The following CHRDL2 variants were observed in gnomAD, a reference collection of about 807,000 sequenced individuals.
The protein encoded by CHRDL2 is chordin like 2.
In CHRDL2, 41 loss-of-function variants were observed where a neutral mutation model predicts 54.3. The observed-to-expected ratio is 0.76, with a 90% CI of 0.59 to 0.98. The LOEUF (loss-of-function observed/expected upper bound fraction) is 0.98. Among genes scored for constraint, CHRDL2 ranks in the 50% least tolerant of loss-of-function variants. The probability of loss-of-function intolerance (pLI) is 0.00; values close to 1 mark genes in which losing one functional copy is unlikely to be tolerated. For synonymous variants in CHRDL2, 220 were observed against 224.3 expected, an observed-to-expected ratio of 0.98 and a Z score of 0.17; for missense variants, 518 against 562.4, an observed-to-expected ratio of 0.92 and a Z score of 0.80.
At chr11:74,716,540 C>CA (rs751918696) in intron 2 of CHRDL2, among the ~76,000 whole-genome samples, 17,345 of 57,074 alleles carry the variant, frequency 0.3, 1,549 homozygotes, top group South Asian at 0.42. Flanking sequence ...ACTCCATCTC[C>CA]AAAAAAAAAA....
At chr11:74,725,201 C>T (rs893879503) in intron 1 of CHRDL2, among the ~76,000 whole-genome samples, 10 of 151,920 alleles carry the variant, frequency 6.6e-5, no homozygotes, top group African/African-American at 2.4e-4. Context: ...CCATGTTGGC[C>T]AAGATGATCT....
Position 74,697,265 on chromosome 11 carries a change from T to C in CHRDL2, c.1153A>G (p.Arg385Gly), listed in dbSNP as rs758331735. The C allele has an allele frequency of 2.5e-6, 4 of 1,614,020 alleles. No homozygotes were observed. The highest frequency in any genetic ancestry group is 2.5e-6 in the Non-Finnish European group (3 of 1,179,972). ...GCCTCTTTCTGGAAGTCTTGCTTCC[T>C]GACTTTCTTGATCTGAGTCAAGTGG... Reference protein sequence around the residue: ...IFHLTQIKKVRKQDFQKEAQH... With the variant: ...IFHLTQIKKVGKQDFQKEAQH... Residue 385 changes from arginine to glycine, a missense_variant, in exon 10 of 11, where the codon AGG becomes GGG. Arg to Gly is a moderately radical substitution (Grantham distance 125, BLOSUM62 -2). Transcript: ENST00000376332.
intron 1 of CHRDL2, among the ~76,000 whole-genome samples, chr11:74,726,865 C>CACCT (rs2034580182): frequency 6.6e-6 from 1 of 152,336 alleles, no homozygotes; most frequent in Admixed American, 6.5e-5. Context: ...GCCTCATGCA[C>CACCT]ACCTGCACAG....
intron 10 of CHRDL2, 95 bp from the exon 11 acceptor site, chr11:74,696,680 A>T: frequency 2.3e-6 from 2 of 877,832 alleles, no homozygotes; most frequent in Admixed American, 3.8e-5. Flanking sequence ...TTGGGCCAGG[A>T]GGAACTGCAA....
chr11:74,708,764 C>A (rs1304519610), intron 4 of CHRDL2, among the ~76,000 whole-genome samples: 1 of 152,234 alleles, frequency 6.6e-6, no homozygotes. Context: ...AAGCTTTTCC[C>A]ACTGAAATCA....
chr11:74,726,712 C>T (rs955468528), intron 1 of CHRDL2, among the ~76,000 whole-genome samples: 2 of 152,200 alleles, frequency 1.3e-5, no homozygotes, highest in African/African-American at 4.8e-5. Context: ...TTGCCGGGCT[C>T]AGGCTCAGCA....
intron 1 of CHRDL2, 122 bp downstream of exon 1, chr11:74,730,685 C>T: frequency 4.3e-6 from 4 of 934,706 alleles, no homozygotes; most frequent in South Asian, 4.2e-5. Flanking sequence ...GTCTCCACCC[C>T]TCCGGCACAG....
At chr11:74,728,051 G>T (rs535310670) in intron 1 of CHRDL2, among the ~76,000 whole-genome samples, 16 of 152,292 alleles carry the variant, frequency 1.1e-4, no homozygotes, top group African/African-American at 3.9e-4. Context: ...TGTGGCCAAG[G>T]TTGGAGGACT....
chr11:74,702,499 A>C (rs1037842429), intron 9 of CHRDL2, among the ~76,000 whole-genome samples: 1 of 152,166 alleles, frequency 6.6e-6, no homozygotes, highest in African/African-American at 2.4e-5. Context: ...AAATCCTGCC[A>C]TTAGACATCT....
chr11:74,717,258 A>C (rs2034386575), intron 2 of CHRDL2, among the ~76,000 whole-genome samples: 1 of 152,102 alleles, frequency 6.6e-6, no homozygotes, highest in African/African-American at 2.4e-5. Context: ...GGTGGAGAGA[A>C]GTGGAGGGAT....
At chr11:74,722,751 T>C (rs1830889099) in intron 1 of CHRDL2, among the ~76,000 whole-genome samples, 2 of 152,152 alleles carry the variant, frequency 1.3e-5, no homozygotes, top group South Asian at 4.1e-4. Flanking sequence ...TCCTGCATTC[T>C]TCTAGCCCCA....
chr11:74,701,646 T>C, intron 9 of CHRDL2: 1 of 716,578 alleles, frequency 1.4e-6, no homozygotes, highest in Non-Finnish European at 2.6e-6. Flanking sequence ...AGTTTCCTCA[T>C]CTGTAAAATG....
chr11:74,699,523 T>G (rs1356966519), intron 9 of CHRDL2: 1 of 152,114 alleles, frequency 6.6e-6, no homozygotes, highest in Non-Finnish European at 1.5e-5. Context: ...CTATCTGGAG[T>G]AGGAGTGGGG....
chr11:74,704,746 G>A (rs1338845665), intron 6 of CHRDL2, 92 bp from the exon 7 acceptor site: 1 of 1,316,396 alleles, frequency 7.6e-7, no homozygotes, highest in East Asian at 2.4e-5. Flanking sequence ...GCAAGAGGCT[G>A]TGGGGAGACC....
At chr11:74,702,741 G>A (rs143378652) in intron 9 of CHRDL2, 53 bp downstream of exon 9, 31,768 of 1,599,718 alleles carry the variant, frequency 0.02, 414 homozygotes, top group Middle Eastern at 0.031. Context: ...TCTGGGGCAC[G>A]GGAAGGGGGA....
In CHRDL2 at chr11:74,702,965, C is replaced by T; in HGVS notation, c.949G>A (p.Asp317Asn). ...AGKCCKICPE[D>N]KADPGHSEIS... is the part of the protein sequence containing the mutation. ...TCACTGTGGCCAGGGTCTGCTTTGTCCTCTGGAGAGACAAGAAGCTCATGA... is the reference window on the plus strand; with the variant it reads ...TCACTGTGGCCAGGGTCTGCTTTGTTCTCTGGAGAGACAAGAAGCTCATGA... The change falls in exon 9 of 11, where the codon GAC (aspartate) becomes AAC (asparagine). Residue 317 changes from aspartate to asparagine, a missense_variant and splice_region_variant. Transcript: ENST00000376332. 6.2e-7 allele frequency: 1 copy of T among 1,608,458 alleles called. No individual in the cohort carries two copies. The highest frequency in any genetic ancestry group is 8.5e-7 in the Non-Finnish European group (1 of 1,176,790).
chr11:74,703,727 A>G (rs1464659955), intron 7 of CHRDL2, among the ~76,000 whole-genome samples: 2 of 152,250 alleles, frequency 1.3e-5, no homozygotes, highest in East Asian at 3.9e-4. Flanking sequence ...CTTACTGAAG[A>G]TGAAGAGTCC....
At chr11:74,714,682 C>T (rs1400943777) in intron 2 of CHRDL2, among the ~76,000 whole-genome samples, 2 of 152,204 alleles carry the variant, frequency 1.3e-5, no homozygotes, top group African/African-American at 4.8e-5. Context: ...CACATGGGTG[C>T]TTAATAAATG....
intron 1 of CHRDL2, among the ~76,000 whole-genome samples, chr11:74,722,864 A>C (rs1199191864): frequency 6.6e-6 from 1 of 152,200 alleles, no homozygotes; most frequent in South Asian, 2.1e-4. Flanking sequence ...GAGAATGGGA[A>C]GGCAGGAGTG....
Sources: gnomAD v4.1 joint callset for allele counts (sites outside exome capture counted in the v4.1 genomes callset) on GRCh38, gnomAD v4.1.1 for gene constraint, MANE v1.5 for transcripts, NCBI Gene and HGNC (gene_info 2026-07-23, HGNC 2026-07-21) for gene names.